Variants in SPTBN1 observed in about 807,000 individuals in gnomAD.
SPTBN1 encodes spectrin beta chain, non-erythrocytic 1.
In SPTBN1, 32 loss-of-function variants were observed where a neutral mutation model predicts 266.4. The ratio of observed to expected loss-of-function variants is 0.12; its 90% CI spans 0.09 to 0.16. The LOEUF (loss-of-function observed/expected upper bound fraction) is 0.16, where lower values mean the gene tolerates loss of function less well. SPTBN1 is among the 10% of genes least tolerant of loss of function. The pLI is 1.00. For missense variants in SPTBN1, 2,296 were observed against 3,067.1 expected (o/e 0.75, Z 5.94); for synonymous variants, 1,336 against 1,162.2 (o/e 1.15, Z -3.04).
chr2:54,644,092 G>C (rs570355318), intron 19 of SPTBN1, among the ~76,000 whole-genome samples: 1 of 152,268 alleles, frequency 6.6e-6, no homozygotes, highest in South Asian at 2.1e-4. Context: ...TGCCCCAGTT[G>C]AGACTATTTC....
chr2:54,640,401 C>A (rs1390439406), intron 18 of SPTBN1, among the ~76,000 whole-genome samples: 1 of 151,822 alleles, frequency 6.6e-6, no homozygotes, highest in Non-Finnish European at 1.5e-5. Flanking sequence ...GCCCCTGTTA[C>A]CACCCCCATA....
In SPTBN1 at chr2:54,504,105, G is replaced by A. The variant is rs368490391; in HGVS notation, c.-47-22267G>A. ...GTGGGACTGACTTGTTCAAATCTCC[G>A]TTAAAGCAAATGTCTGATTAGGAGA... On this transcript the variant is annotated intron_variant, in intron 1 of 35. Transcript: ENST00000356805. Among the ~76,000 whole-genome samples the A allele has an allele frequency of 1.2e-3, 189 of 152,272 alleles. 4 individuals are homozygous for A. The South Asian group carries it at 0.034, about 28-fold the overall frequency.
Position 54,665,913 on chromosome 2 carries a change from A to G in SPTBN1, c.6660-2A>G. 1 of 1,610,536 alleles carries G rather than the reference A, an allele frequency of 6.2e-7. No individual in the cohort carries two copies. The highest frequency in any genetic ancestry group is 8.5e-7 in the Non-Finnish European group (1 of 1,178,876). On this transcript the variant is annotated splice_acceptor_variant, in intron 33 of 35. Transcript: ENST00000356805. LOFTEE classifies it high-confidence loss of function. ...CCCTGCCCTTTTTTTTAAACTGCAC[A>G]GGTCCTGGCACAATGTTTATTGTGT... is the stretch of plus-strand genomic sequence containing the variant.
chr2:54,543,910 G>A (rs546016889), intron 2 of SPTBN1, among the ~76,000 whole-genome samples: 12 of 152,136 alleles, frequency 7.9e-5, no homozygotes, highest in African/African-American at 2.9e-4. Flanking sequence ...GGCTCTTACC[G>A]GAAGAGGGTT....
At position 54,533,049 on chromosome 2, in the gene SPTBN1, C is replaced by T. The variant is rs1402553823; in HGVS notation, c.148+6483C>T. ...CTTCTTTTTAGCATATCTGAATTGC[C>T]AGCCCAGGGCCATTATTAAGTCAAA... On this transcript the variant is annotated intron_variant, in intron 2 of 35. Coordinates refer to ENST00000356805, the MANE Select transcript of SPTBN1 (RefSeq NM_003128.3). This position sits in a 1 kb window ranked among gnomAD's most constrained non-coding sequence, Gnocchi z 4.2. 6.6e-6 allele frequency among the ~76,000 whole-genome samples: 1 copy of T among 151,868 alleles called. No individual in the cohort carries two copies. Among genetic ancestry groups the T allele is most frequent in the Admixed American group, 6.6e-5 (1 of 15,244 alleles).
intron 3 of SPTBN1, among the ~76,000 whole-genome samples, chr2:54,605,315 G>T (rs944825027): frequency 1.3e-5 from 2 of 152,086 alleles, no homozygotes; most frequent in African/African-American, 4.8e-5. Context: ...CTGTATTCTG[G>T]GTTTTTCCTG....
chr2:54,560,294 T>C (rs1673207082), intron 2 of SPTBN1, among the ~76,000 whole-genome samples: 2 of 151,834 alleles, frequency 1.3e-5, no homozygotes, highest in Admixed American at 6.6e-5. Flanking sequence ...CCCAGCTTCA[T>C]TGTGTCATCC....
At position 54,558,543 on chromosome 2, in the gene SPTBN1, C is replaced by CCA; in HGVS notation, c.148+31979_148+31980dup. The CCA allele has an allele frequency of 7.8e-7, 1 of 1,287,854 alleles. No individual in the cohort carries two copies. Among genetic ancestry groups the CCA allele is most frequent in the African/African-American group, 1.5e-5 (1 of 65,062 alleles). The allele number at this position is 1,287,854 out of a possible 1,614,324, so 79.8% of individuals were successfully genotyped here. A position where few individuals can be genotyped will look rare whatever the true frequency, so the allele number is the denominator to read the frequency against. On this transcript the variant is annotated intron_variant, in intron 2 of 35. Transcript: ENST00000356805. The surrounding 1 kb of genome is among the most constrained non-coding windows in gnomAD (Gnocchi z 4.6). ...TTTATTTCGAGCTTCCAGGCAAGGGCCACGGAAGAAGGGAAAGCAAGAAAT... is the reference window on the plus strand; with the variant it reads ...TTTATTTCGAGCTTCCAGGCAAGGGCCACACGGAAGAAGGGAAAGCAAGAAAT...
At chr2:54,651,928 C>T (rs900847497) in intron 26 of SPTBN1, among the ~76,000 whole-genome samples, 7 of 152,068 alleles carry the variant, frequency 4.6e-5, no homozygotes, top group African/African-American at 1.7e-4. Flanking sequence ...CTTTTTTAAC[C>T]TGTTATCACC....
chr2:54,475,572 C>G (rs1389037564), intron 1 of SPTBN1, among the ~76,000 whole-genome samples: 2 of 152,078 alleles, frequency 1.3e-5, no homozygotes, highest in South Asian at 4.2e-4. Flanking sequence ...ATGGTAGAGC[C>G]TCCTGCTACC....
intron 2 of SPTBN1, among the ~76,000 whole-genome samples, chr2:54,575,700 A>G (rs1674411771): frequency 6.6e-6 from 1 of 152,256 alleles, no homozygotes; most frequent in Non-Finnish European, 1.5e-5. Flanking sequence ...AAATACCTGC[A>G]GCTGAACATC....
chr2:54,537,747 C>A (rs568561935), intron 2 of SPTBN1, among the ~76,000 whole-genome samples: 1 of 152,190 alleles, frequency 6.6e-6, no homozygotes, highest in Non-Finnish European at 1.5e-5. Flanking sequence ...TCTGTCTCTG[C>A]CCCTTGTAGG....
At chr2:54,572,947 T>A (rs1375637930) in intron 2 of SPTBN1, among the ~76,000 whole-genome samples, 5 of 152,124 alleles carry the variant, frequency 3.3e-5, no homozygotes, top group Non-Finnish European at 5.9e-5. Context: ...GGGAAGGGGC[T>A]CTAGAAGCTG....
At chr2:54,519,331 A>C (rs1173848265) in intron 1 of SPTBN1, among the ~76,000 whole-genome samples, 1 of 152,224 alleles carries the variant, frequency 6.6e-6, no homozygotes, top group Non-Finnish European at 1.5e-5. Context: ...ATTATGAAGC[A>C]GTCTTTTAAT....
chr2:54,609,893 G>T (rs988658371), intron 3 of SPTBN1, among the ~76,000 whole-genome samples: 3 of 152,144 alleles, frequency 2.0e-5, no homozygotes, highest in Non-Finnish European at 4.4e-5. Context: ...AAGGCTCAAA[G>T]GTTAGCAGCC....
intron 1 of SPTBN1, among the ~76,000 whole-genome samples, chr2:54,493,079 C>G (rs1243289634): frequency 1.4e-5 from 2 of 147,180 alleles, no homozygotes; most frequent in Non-Finnish European, 3.0e-5. Context: ...AATCAGAGCT[C>G]ACTGCAACCT....
chr2:54,632,484 A>G (rs1678817586), intron 16 of SPTBN1, 82 bp from the exon 17 acceptor site: 1 of 1,360,626 alleles, frequency 7.3e-7, no homozygotes, highest in South Asian at 1.2e-5. Context: ...AGTGTTGTGA[A>G]CTATGTTGCA....
intron 18 of SPTBN1, among the ~76,000 whole-genome samples, chr2:54,642,602 A>G (rs112782996): frequency 8.6e-5 from 13 of 151,734 alleles, no homozygotes; most frequent in African/African-American, 2.9e-4. Context: ...AAAGTCAATC[A>G]TGATTAACAT....
intron 1 of SPTBN1, among the ~76,000 whole-genome samples, chr2:54,492,823 A>G (rs1385326016): frequency 6.6e-6 from 1 of 151,996 alleles, no homozygotes; most frequent in Non-Finnish European, 1.5e-5. Context: ...AAAAGTTAAT[A>G]GAAATAATAA....
Sources: gnomAD v4.1 joint callset for allele counts (sites outside exome capture counted in the v4.1 genomes callset) on GRCh38, gnomAD v4.1.1 for gene constraint, Gnocchi (gnomAD v3.1) non-coding constraint, MANE v1.5 for transcripts, NCBI Gene and HGNC (gene_info 2026-07-23, HGNC 2026-07-21) for gene names.